Variants in CAPSL observed in about 807,000 individuals in gnomAD.
CAPSL encodes the protein calcyphosin-like protein.
CAPSL carries 17 observed loss-of-function variants against 21.3 expected under a neutral mutation model. The ratio of observed to expected loss-of-function variants is 0.80; its 90% CI spans 0.55 to 1.20. CAPSL has a LOEUF of 1.20. Ranked by LOEUF, CAPSL falls within the 50% of genes most tolerant of loss-of-function variation. The pLI is 0.00. For synonymous variants in CAPSL, 102 were observed against 89.3 expected (o/e 1.14, Z -0.80); for missense variants, 289 against 259.3 (o/e 1.11, Z -0.79).
In CAPSL at chr5:35,909,988, C is replaced by A; in HGVS notation, c.403G>T (p.Asp135Tyr). The A allele has an allele frequency of 6.2e-7, 1 of 1,613,830 alleles. No individual in the cohort carries two copies. The highest frequency in any genetic ancestry group is 8.5e-7 in the Non-Finnish European group (1 of 1,179,876). ...TTTGCATTATATACTTCACGAAGGT[C>A]TTCGATTGTTATAACACCATCTCCA... ...KTGDGVITIE[D>Y]LREVYNAKHH... The change falls in exon 4 of 5, where the codon GAC (aspartate) becomes TAC (tyrosine). Residue 135 changes from aspartate (D) to tyrosine (Y), a missense_variant. Transcript: ENST00000651391.
intron 2 of CAPSL, among the ~76,000 whole-genome samples, chr5:35,915,315 A>G (rs2149921424): frequency 6.6e-6 from 1 of 152,370 alleles, no homozygotes; most frequent in East Asian, 1.9e-4. Flanking sequence ...TTCTGAAACT[A>G]TTCCAGTCAA....
At position 35,915,788 on chromosome 5, in the gene CAPSL, T is replaced by A. The variant is rs535574520; in HGVS notation, c.137+5196A>T. Among the ~76,000 whole-genome samples the A allele has an allele frequency of 1.7e-4, 26 of 152,292 alleles. No individual in the cohort carries two copies. In the East Asian group the frequency reaches 5.0e-3, roughly 29 times the overall value. ...TCGGCAAAAAACTGGAAGCATTCCATTTGAAAACTGGCACAAGACAGGGAT... is the reference window on the plus strand; with the variant it reads ...TCGGCAAAAAACTGGAAGCATTCCAATTGAAAACTGGCACAAGACAGGGAT... On this transcript the variant is annotated intron_variant, in intron 2 of 4. Transcript: ENST00000651391.
chr5:35,925,982 A>G (rs1013600219), intron 1 of CAPSL, among the ~76,000 whole-genome samples: 2 of 150,346 alleles, frequency 1.3e-5, no homozygotes, highest in Non-Finnish European at 3.0e-5. Flanking sequence ...AGGCTGAGGC[A>G]GGAGAATCGC....
chr5:35,913,052 G>A (rs556330655), intron 2 of CAPSL, among the ~76,000 whole-genome samples: 103 of 152,304 alleles, frequency 6.8e-4, no homozygotes, highest in Non-Finnish European at 1.2e-3. Context: ...AGAGAACTAC[G>A]TGATGAATGC....
intron 2 of CAPSL, among the ~76,000 whole-genome samples, chr5:35,914,589 C>A (rs1467480399): frequency 1.3e-5 from 2 of 152,116 alleles, no homozygotes; most frequent in Non-Finnish European, 2.9e-5. Flanking sequence ...GGAAACTGAA[C>A]AACCTGCTCC....
chr5:35,937,546 G>A (rs1738982863), intron 1 of CAPSL, among the ~76,000 whole-genome samples: 3 of 152,134 alleles, frequency 2.0e-5, no homozygotes, highest in South Asian at 4.1e-4. Flanking sequence ...AGTCCAAATA[G>A]CATTCACATT....
Position 35,904,441 on chromosome 5 carries a change from C to A in CAPSL, c.*104G>T. ...TGCAATATTTTGACACAGAAAAAAA[C>A]ATTAGGATGAGTGTGAAATCAAATA... is the stretch of plus-strand genomic sequence containing the variant. On this transcript the variant is annotated 3_prime_UTR_variant, in exon 5 of 5. Coordinates refer to ENST00000651391, the MANE Select transcript of CAPSL (RefSeq NM_001042625.2). 1 of 854,134 alleles carries A rather than the reference C, an allele frequency of 1.2e-6. No homozygotes were observed. The highest frequency in any genetic ancestry group is 1.9e-6 in the Non-Finnish European group (1 of 538,546). The allele number at this position is 854,134 out of a possible 1,614,324, so 52.9% of individuals were successfully genotyped here.
At chr5:35,926,039 G>GCA (rs888430518) in intron 1 of CAPSL, among the ~76,000 whole-genome samples, 1 of 144,258 alleles carries the variant, frequency 6.9e-6, no homozygotes, top group African/African-American at 2.6e-5. Context: ...TCGCGCCACT[G>GCA]CACTCCAGCC....
At position 35,924,013 on chromosome 5, in the gene CAPSL, TCA is replaced by T. The variant is rs1738604886; in HGVS notation, c.1-2895_1-2894del. Among the ~76,000 whole-genome samples, 72 of 140,626 alleles carry T rather than the reference TCA, an allele frequency of 5.1e-4. 1 individual carries two copies. Among genetic ancestry groups the T allele is most frequent in the Admixed American group, 4.5e-3 (66 of 14,562 alleles). 92.3% of individuals were successfully genotyped at this position (140,626 alleles called of 152,430 possible). A position where few individuals can be genotyped will look rare whatever the true frequency, so the allele number is the denominator to read the frequency against. ...AAGTAAATACATACAACTTTATCTG[TCA>T]ATTTAAAAAAAAAATTTAAAGTGTG... On this transcript the variant is annotated intron_variant, in intron 1 of 4. Transcript: ENST00000651391.
chr5:35,931,138 T>A (rs147622426), intron 1 of CAPSL, among the ~76,000 whole-genome samples: 2 of 152,342 alleles, frequency 1.3e-5, no homozygotes, highest in East Asian at 3.9e-4. Flanking sequence ...AGGTCTTCAG[T>A]CACTTGCTGT....
At chr5:35,908,156 G>T (rs539937484) in intron 4 of CAPSL, among the ~76,000 whole-genome samples, 114 of 152,204 alleles carry the variant, frequency 7.5e-4, no homozygotes, top group Non-Finnish European at 1.2e-3. Flanking sequence ...TAGAGCTAAG[G>T]ATCACAAATA....
chr5:35,922,482 G>C (rs1167230208), intron 1 of CAPSL, among the ~76,000 whole-genome samples: 1 of 151,988 alleles, frequency 6.6e-6, no homozygotes, highest in Non-Finnish European at 1.5e-5. Context: ...CTTGAACCTC[G>C]GGTCAAGAAG....
chr5:35,933,217 T>C (rs1738864018), intron 1 of CAPSL, among the ~76,000 whole-genome samples: 1 of 152,210 alleles, frequency 6.6e-6, no homozygotes, highest in Non-Finnish European at 1.5e-5. Context: ...CTCTGTCCCA[T>C]GTTCTCTGCT....
chr5:35,910,663 C>A, intron 2 of CAPSL, 120 bp from the exon 3 acceptor site: 1 of 702,110 alleles, frequency 1.4e-6, no homozygotes, highest in African/African-American at 1.8e-5. Flanking sequence ...GTCTTAAATT[C>A]TTCTCTGCAC....
At chr5:35,909,047 C>T (rs1561435196) in intron 4 of CAPSL, among the ~76,000 whole-genome samples, 1 of 151,434 alleles carries the variant, frequency 6.6e-6, no homozygotes, top group Admixed American at 6.6e-5. Flanking sequence ...TCCTTATCAC[C>T]AAAACCCTTA....
chr5:35,919,182 T>C (rs1188558525), intron 2 of CAPSL, among the ~76,000 whole-genome samples: 1 of 145,006 alleles, frequency 6.9e-6, no homozygotes, highest in Non-Finnish European at 1.5e-5. Context: ...TATATATATA[T>C]ATATATATAA....
At chr5:35,937,396 C>T (rs1738978684) in intron 1 of CAPSL, among the ~76,000 whole-genome samples, 1 of 152,228 alleles carries the variant, frequency 6.6e-6, no homozygotes, top group Non-Finnish European at 1.5e-5. Flanking sequence ...TCCTGCATCT[C>T]TACTCACTCA....
intron 2 of CAPSL, among the ~76,000 whole-genome samples, chr5:35,919,192 A>ATATATATAT (rs1561439742): frequency 9.7e-4 from 105 of 108,224 alleles, no homozygotes; most frequent in African/African-American, 3.0e-3. Flanking sequence ...TATATATATA[A>ATATATATAT]AAATTGTGAA....
At chr5:35,918,715 T>C (rs1295165160) in intron 2 of CAPSL, among the ~76,000 whole-genome samples, 1 of 152,186 alleles carries the variant, frequency 6.6e-6, no homozygotes, top group Non-Finnish European at 1.5e-5. Flanking sequence ...TTTAAAGTCA[T>C]TAAATGGTTG....
Sources: allele counts gnomAD v4.1 joint callset (sites outside exome capture counted in the v4.1 genomes callset), GRCh38; gene constraint gnomAD v4.1.1; transcripts MANE v1.5; gene names NCBI Gene and HGNC (gene_info 2026-07-23, HGNC 2026-07-21).